The following RNF24 variants were observed in gnomAD, a reference collection of about 807,000 sequenced individuals.
RNF24 encodes ring finger protein 24.
RNF24 carries 14 observed loss-of-function variants against 20.0 expected under a neutral mutation model. The ratio of observed to expected loss-of-function variants is 0.70; its 90% confidence interval spans 0.46 to 1.10. RNF24 has a LOEUF of 1.10. RNF24 is among the 50% of genes least tolerant of loss of function. The pLI is 0.00. For synonymous variants in RNF24, 45 were observed against 61.1 expected, an observed-to-expected ratio of 0.74 and a Z score of 1.23; for missense variants, 124 against 177.6, an observed-to-expected ratio of 0.70 and a Z score of 1.71.
intron 1 of RNF24, among the ~76,000 whole-genome samples, chr20:4,002,181 C>T (rs952166671): frequency 1.3e-5 from 2 of 151,980 alleles, no homozygotes; most frequent in Middle Eastern, 6.8e-3. Flanking sequence ...GTCAGGAGAT[C>T]GAGACCATCT....
intron 1 of RNF24, among the ~76,000 whole-genome samples, chr20:3,985,059 A>C (rs55871214): frequency 0.12 from 18,715 of 152,108 alleles, 1,410 homozygotes; most frequent in Non-Finnish European, 0.17. Flanking sequence ...CAACCACAAC[A>C]ACAACCACCT....
rs919144644 is a variant in RNF24 at position 3,988,495 on chromosome 20, T to G, written c.-7-24471A>C. On this transcript the variant is annotated intron_variant, in intron 1 of 5. Transcript: ENST00000358395. ...TTTTTTTTGAGACATGGTCTTGCTC[T>G]GTAGCCCAGGTTGGAATGCAGAGGT... Among the ~76,000 whole-genome samples, 3 of 148,856 alleles carry G rather than the reference T, an allele frequency of 2.0e-5. No homozygotes were observed. In the Admixed American group the frequency reaches 2.0e-4, roughly 10 times the overall value.
intron 4 of RNF24, among the ~76,000 whole-genome samples, chr20:3,938,143 T>C (rs1450110546): frequency 6.6e-6 from 1 of 152,244 alleles, no homozygotes; most frequent in Non-Finnish European, 1.5e-5. Context: ...TTACTATAGT[T>C]ATCATAATGG....
chr20:3,954,886 G>A (rs781585653), intron 2 of RNF24, among the ~76,000 whole-genome samples: 103 of 149,446 alleles, frequency 6.9e-4, no homozygotes, highest in African/African-American at 1.4e-3. Context: ...GTGACAGTGC[G>A]AGACTCCATC....
chr20:4,003,260 C>T (rs905275125), intron 1 of RNF24, among the ~76,000 whole-genome samples: 2 of 152,352 alleles, frequency 1.3e-5, no homozygotes, highest in Middle Eastern at 3.4e-3. Context: ...TGAACCACCA[C>T]GCCCGGCCCA....
chr20:3,997,181 G>A (rs556210734), intron 1 of RNF24, among the ~76,000 whole-genome samples: 2 of 144,032 alleles, frequency 1.4e-5, no homozygotes, highest in African/African-American at 5.2e-5. Context: ...AGCCGAGATC[G>A]CGCCACTGCA....
At position 3,940,515 on chromosome 20, in the gene RNF24, A is replaced by G. The variant is rs1321568805; in HGVS notation, c.228+4662T>C. ...GAGAGAGAAAGAGTGAAATGCAGAA[A>G]AAACATTTATAGAAATAATGGCTAA... On this transcript the variant is annotated intron_variant, in intron 4 of 5. Transcript: ENST00000358395. Among the ~76,000 whole-genome samples, 4 of 152,300 alleles carry G rather than the reference A, an allele frequency of 2.6e-5. No individual in the cohort carries two copies. In the East Asian group the frequency reaches 7.7e-4, roughly 29 times the overall value.
intron 1 of RNF24, among the ~76,000 whole-genome samples, chr20:3,969,891 C>T (rs1278812355): frequency 4.6e-5 from 7 of 151,964 alleles, no homozygotes; most frequent in African/African-American, 1.7e-4. Flanking sequence ...CTGCCTCAGC[C>T]TCCCGAGTAG....
At chr20:3,956,263 G>GT (rs775579944) in intron 2 of RNF24, among the ~76,000 whole-genome samples, 141 of 137,400 alleles carry the variant, frequency 1.0e-3, no homozygotes, top group Non-Finnish European at 1.4e-3. Context: ...TTGTGTGTGT[G>GT]TTTTTTTTTT....
chr20:3,997,794 A>T (rs1403624451), intron 1 of RNF24, among the ~76,000 whole-genome samples: 4 of 152,266 alleles, frequency 2.6e-5, no homozygotes, highest in Non-Finnish European at 5.9e-5. Flanking sequence ...ATTAGAATAC[A>T]GGAAATCTAA....
chr20:3,979,771 GA>G (rs1023854891), intron 1 of RNF24, among the ~76,000 whole-genome samples: 1 of 152,082 alleles, frequency 6.6e-6, no homozygotes, highest in African/African-American at 2.4e-5. Flanking sequence ...CACATTGTGG[GA>G]AAAAAATCTC....
chr20:3,972,003 T>C (rs1978391488), intron 1 of RNF24, among the ~76,000 whole-genome samples: 2 of 152,164 alleles, frequency 1.3e-5, no homozygotes, highest in African/African-American at 4.8e-5. Context: ...GGAGTGGCTA[T>C]ATTAACATCA....
chr20:3,939,163 C>T (rs1282610456), intron 4 of RNF24, among the ~76,000 whole-genome samples: 1 of 151,044 alleles, frequency 6.6e-6, no homozygotes, highest in East Asian at 2.0e-4. Flanking sequence ...GTTTATTTCT[C>T]CTTTTTGTTT....
At chr20:3,946,831 T>G (rs1308374374) in intron 3 of RNF24, among the ~76,000 whole-genome samples, 5 of 152,174 alleles carry the variant, frequency 3.3e-5, no homozygotes, top group Non-Finnish European at 7.3e-5. Context: ...GACATCAGTA[T>G]GTCCATCTAG....
At chr20:3,937,678 G>A (rs925759962) in intron 4 of RNF24, among the ~76,000 whole-genome samples, 5 of 150,210 alleles carry the variant, frequency 3.3e-5, no homozygotes, top group South Asian at 2.1e-4. Context: ...TTGTCTACTC[G>A]GGACATTTCA....
rs2090852717 is a variant in RNF24, at chr20:3,933,563, A to C, written c.*500T>G. ...CAAGATGGCCTTATCAAAGGCATAC[A>C]ACATGAGCCTTGTGGGCACTGCCTC... On this transcript the variant is annotated 3_prime_UTR_variant, in exon 6 of 6. Coordinates refer to ENST00000358395, the MANE Select transcript of RNF24 (RefSeq NM_001134337.3). The C allele has an allele frequency of 5.3e-6, 1 of 187,162 alleles. No homozygotes were observed. The highest frequency in any genetic ancestry group is 2.3e-5 in the African/African-American group (1 of 42,830). 11.6% of individuals were successfully genotyped at this position (187,162 alleles called of 1,614,324 possible).
chr20:3,965,646 A>C (rs1291715735), intron 1 of RNF24, among the ~76,000 whole-genome samples: 1 of 152,230 alleles, frequency 6.6e-6, no homozygotes, highest in East Asian at 1.9e-4. Flanking sequence ...TTTACCAAAT[A>C]TACATAGCAC....
chr20:3,927,669 C>G lies in RNF24; in HGVS notation c.*6394G>C, dbSNP rs1337078397. On this transcript the variant is annotated 3_prime_UTR_variant, in exon 6 of 6. Transcript: ENST00000358395. ...GCAACACTCTAGGAAGACCAGCTGT[C>G]ACCAGAAGGGAGTTCCTAACACTTG... 2 of 152,248 alleles carry G rather than the reference C, an allele frequency of 1.3e-5. No individual in the cohort carries two copies. The highest frequency in any genetic ancestry group is 2.9e-5 in the Non-Finnish European group (2 of 68,056). 9.4% of individuals were successfully genotyped at this position (152,248 alleles called of 1,614,324 possible).
chr20:3,973,500 C>CAAAAAAAAAAAAAAAAAAAAAAA (rs56824542), intron 1 of RNF24, among the ~76,000 whole-genome samples: 3 of 101,106 alleles, frequency 3.0e-5, no homozygotes, highest in East Asian at 3.3e-4. Flanking sequence ...GGAAGAATGA[C>CAAAAAAAAAAAAAAAAAAAAAAA]AAAAAAAAAA....
Sources: allele counts gnomAD v4.1 joint callset (sites outside exome capture counted in the v4.1 genomes callset), GRCh38; gene constraint gnomAD v4.1.1; transcripts MANE v1.5; gene names NCBI Gene and HGNC (gene_info 2026-07-23, HGNC 2026-07-21).